Variants in VPS33B observed in about 807,000 individuals in gnomAD.
The protein encoded by VPS33B is VPS33B late endosome and lysosome associated.
A neutral mutation model predicts 95.3 loss-of-function variants in VPS33B; 80 were observed. That is an observed-to-expected ratio of 0.84 (90% confidence interval 0.70 to 1.01). The LOEUF (loss-of-function observed/expected upper bound fraction) is 1.01. Ranked by LOEUF, VPS33B falls within the 50% of genes least tolerant of loss-of-function variation. The pLI is 0.00. For synonymous variants in VPS33B, 280 were observed against 280.4 expected (o/e 1.00, Z 0.01); for missense variants, 715 against 773.4 (o/e 0.92, Z 0.90).
At chr15:91,012,074 A>G (rs888423042) in intron 5 of VPS33B, among the ~76,000 whole-genome samples, 3 of 149,290 alleles carry the variant, frequency 2.0e-5, no homozygotes, top group Non-Finnish European at 1.5e-5. Context: ...GAAAAGAAAA[A>G]AAAAAAAAAG....
chr15:91,012,629 C>A (rs936926336), intron 5 of VPS33B, among the ~76,000 whole-genome samples: 3 of 152,188 alleles, frequency 2.0e-5, no homozygotes, highest in African/African-American at 7.2e-5. Context: ...CTAGCTTCTA[C>A]CTTCTGTAAG....
At position 90,999,869 on chromosome 15, in the gene VPS33B, G is replaced by A. The variant is rs1382063783; in HGVS notation, c.1657+31C>T. ...TGGTGCATCCAGCCCACCTCTCACT[G>A]CCAGCCTACCCCACTGTTAATGCCA... On this transcript the variant is annotated intron_variant, in intron 21 of 22. Transcript: ENST00000333371. This position sits in a 1 kb window ranked among gnomAD's most constrained non-coding sequence, Gnocchi z 5.1. The A allele has an allele frequency of 6.2e-7, 1 of 1,614,078 alleles. No individual in the cohort carries two copies. The highest frequency in any genetic ancestry group is 8.5e-7 in the Non-Finnish European group (1 of 1,179,966).
At position 91,001,385 on chromosome 15, in the gene VPS33B, A is replaced by G. The variant is rs1011045843; in HGVS notation, c.1479+4T>C. 2 of 1,613,138 alleles carry G rather than the reference A, an allele frequency of 1.2e-6. No individual in the cohort carries two copies. Among genetic ancestry groups the G allele is most frequent in the Non-Finnish European group, 1.7e-6 (2 of 1,179,256 alleles). On this transcript the variant is annotated splice_donor_region_variant and intron_variant, in intron 19 of 22. Coordinates refer to ENST00000333371, the MANE Select transcript of VPS33B (RefSeq NM_018668.5). ...TCTCCCCTAACCATCCCTGTTCCACATACCAAATTCAGCTTTTTGCTGATG... is the reference window on the plus strand; with the variant it reads ...TCTCCCCTAACCATCCCTGTTCCACGTACCAAATTCAGCTTTTTGCTGATG...
At chr15:91,019,419 C>A (rs920558583) in intron 1 of VPS33B, among the ~76,000 whole-genome samples, 3 of 151,970 alleles carry the variant, frequency 2.0e-5, no homozygotes, top group Non-Finnish European at 4.4e-5. Flanking sequence ...CCACGTTTGG[C>A]CTTTTTAAAT....
Position 91,000,604 on chromosome 15 carries a change from G to C in VPS33B, c.1480-13C>G. The C allele has an allele frequency of 6.2e-7, 1 of 1,610,440 alleles. No individual in the cohort carries two copies. The highest frequency in any genetic ancestry group is 8.5e-7 in the Non-Finnish European group (1 of 1,177,768). ...CCACACGTGGGATCTGTAAGACAAA[G>C]GGACTTCATTAGGCAAGTGACAGCT... On this transcript the variant is annotated splice_polypyrimidine_tract_variant and intron_variant, in intron 19 of 22. Coordinates refer to ENST00000333371, the MANE Select transcript of VPS33B (RefSeq NM_018668.5). The surrounding 1 kb of genome is among the most constrained non-coding windows in gnomAD (Gnocchi z 4.9).
rs2040781513 is a variant in VPS33B, at chr15:91,011,621, CTATTT to C, written c.358-1780_358-1776del. Among the ~76,000 whole-genome samples, 1 of 152,212 alleles carries C rather than the reference CTATTT, an allele frequency of 6.6e-6. No individual in the cohort carries two copies. The highest frequency in any genetic ancestry group is 2.1e-4 in the South Asian group (1 of 4,834). ...AAGTGGAGAACACTCATAAAAATAACTATTTTGTTTTTCTGTGTAATAGAGAGGCT... is the reference window on the plus strand; with the variant it reads ...AAGTGGAGAACACTCATAAAAATAACTGTTTTTCTGTGTAATAGAGAGGCT... On this transcript the variant is annotated intron_variant, in intron 5 of 22. Coordinates refer to ENST00000333371, the MANE Select transcript of VPS33B (RefSeq NM_018668.5). This position sits in a 1 kb window ranked among gnomAD's most constrained non-coding sequence, Gnocchi z 5.5.
At position 90,998,935 on chromosome 15, in the gene VPS33B, A is replaced by G; in HGVS notation, c.*40T>C. On this transcript the variant is annotated 3_prime_UTR_variant, in exon 23 of 23. Coordinates refer to ENST00000333371, the MANE Select transcript of VPS33B (RefSeq NM_018668.5). This position sits in a 1 kb window ranked among gnomAD's most constrained non-coding sequence, Gnocchi z 4.8. ...CCAGATGCCTGCATCTCACTGAGGAATGTGTTCAGGGAAGATGTCAACACT... is the reference window on the plus strand; with the variant it reads ...CCAGATGCCTGCATCTCACTGAGGAGTGTGTTCAGGGAAGATGTCAACACT... 1 of 1,608,016 alleles carries G rather than the reference A, an allele frequency of 6.2e-7. No homozygotes were observed. The highest frequency in any genetic ancestry group is 8.5e-7 in the Non-Finnish European group (1 of 1,175,748).
At position 91,011,455 on chromosome 15, in the gene VPS33B, A is replaced by G. The variant is rs1397357712; in HGVS notation, c.358-1609T>C. 6.6e-6 allele frequency among the ~76,000 whole-genome samples: 1 copy of G among 152,194 alleles called. No homozygotes were observed. Among genetic ancestry groups the G allele is most frequent in the East Asian group, 1.9e-4 (1 of 5,200 alleles). On this transcript the variant is annotated intron_variant, in intron 5 of 22. Transcript: ENST00000333371. The surrounding 1 kb of genome is among the most constrained non-coding windows in gnomAD (Gnocchi z 5.5). ...ACTGAAATCTTCAGGCCTGCTTTTA[A>G]CTTTTAATGCTAAGTAATGGAATTC...
Position 91,007,141 on chromosome 15 carries a change from T to C in VPS33B, c.604-95A>G. 7.4e-7 allele frequency: 1 copy of C among 1,343,928 alleles called. No homozygotes were observed. The highest frequency in any genetic ancestry group is 1.1e-6 in the Non-Finnish European group (1 of 948,696). 83.3% of individuals were successfully genotyped at this position (1,343,928 alleles called of 1,614,324 possible). A position where few individuals can be genotyped will look rare whatever the true frequency, so the allele number is the denominator to read the frequency against. ...AGCCCTTTCCACGTGATACTTCCTC[T>C]TGTCCCCGAGACAGGAGCTAATTAT... is the stretch of plus-strand genomic sequence containing the variant. On this transcript the variant is annotated intron_variant, in intron 8 of 22. Coordinates refer to ENST00000333371, the MANE Select transcript of VPS33B (RefSeq NM_018668.5). The surrounding 1 kb of genome is among the most constrained non-coding windows in gnomAD (Gnocchi z 5.3).
intron 5 of VPS33B, among the ~76,000 whole-genome samples, chr15:91,012,322 A>G (rs1051479776): frequency 6.6e-6 from 1 of 152,236 alleles, no homozygotes; most frequent in African/African-American, 2.4e-5. Flanking sequence ...CTTTTACAGA[A>G]GGAGAAAACA....
chr15:91,020,681 G>A (rs1428196771), intron 1 of VPS33B, among the ~76,000 whole-genome samples: 3 of 152,122 alleles, frequency 2.0e-5, no homozygotes, highest in Admixed American at 1.3e-4. Context: ...AGGAGTTTGA[G>A]ACCAGCCTGG....
In VPS33B at chr15:91,007,694, C is replaced by T. The variant is rs2040655865; in HGVS notation, c.499-121G>A. The T allele has an allele frequency of 1.6e-6, 2 of 1,240,790 alleles. No homozygotes were observed. The highest frequency in any genetic ancestry group is 3.0e-5 in the African/African-American group (2 of 67,570). The allele number at this position is 1,240,790 out of a possible 1,614,324, so 76.9% of individuals were successfully genotyped here. ...GCCTGGGGGATGCTTGAAAGGTTTT[C>T]ATTGGCTCCACAGGAAGTCCCACAG... On this transcript the variant is annotated intron_variant, in intron 7 of 22. Transcript: ENST00000333371. This position sits in a 1 kb window ranked among gnomAD's most constrained non-coding sequence, Gnocchi z 5.3.
Position 91,005,518 on chromosome 15 carries a change from G to A in VPS33B, c.1031-64C>T, listed in dbSNP as rs192721747. ...CTAGAAAGATGTCCCTTTATTGTCC[G>A]GAAGAATAAAAAACCTCCTAAGGCA... is the stretch of plus-strand genomic sequence containing the variant. On this transcript the variant is annotated intron_variant, in intron 13 of 22. Transcript: ENST00000333371. The surrounding 1 kb of genome is among the most constrained non-coding windows in gnomAD (Gnocchi z 6.4). 66 of 1,610,176 alleles carry A rather than the reference G, an allele frequency of 4.1e-5. No individual in the cohort carries two copies. Among genetic ancestry groups the A allele is most frequent in the African/African-American group, 1.1e-4 (8 of 74,902 alleles).
rs1285034196 is a variant in VPS33B, at chr15:91,015,825, G to A, written c.239+1138C>T. ...AGCCTGTGCAACAGAGTGAGACCCT[G>A]TCTCTGAAAATAAATAAATTTAATT... On this transcript the variant is annotated intron_variant, in intron 3 of 22. Transcript: ENST00000333371. This position sits in a 1 kb window ranked among gnomAD's most constrained non-coding sequence, Gnocchi z 4.7. Among the ~76,000 whole-genome samples the A allele has an allele frequency of 6.6e-6, 1 of 151,972 alleles. No individual in the cohort carries two copies. Among genetic ancestry groups the A allele is most frequent in the Non-Finnish European group, 1.5e-5 (1 of 68,016 alleles).
In VPS33B at chr15:91,010,424, C is replaced by A. The variant is rs991775483; in HGVS notation, c.358-578G>T. On this transcript the variant is annotated intron_variant, in intron 5 of 22. Transcript: ENST00000333371. This position sits in a 1 kb window ranked among gnomAD's most constrained non-coding sequence, Gnocchi z 5.7. ...TAGACCAGTCTGGGCAACATAGTGA[C>A]ACCCCATCTCTACAAAACAATGCAA... is the stretch of plus-strand genomic sequence containing the variant. Among the ~76,000 whole-genome samples the A allele has an allele frequency of 6.6e-6, 1 of 152,080 alleles. No homozygotes were observed. Among genetic ancestry groups the A allele is most frequent in the African/African-American group, 2.4e-5 (1 of 41,382 alleles).
rs1450789295 is a variant in VPS33B, at chr15:90,999,933, G to A, written c.1624C>T (p.Arg542Trp). 7 of 1,614,014 alleles carry A rather than the reference G, an allele frequency of 4.3e-6. No individual in the cohort carries two copies. Among genetic ancestry groups the A allele is most frequent in the East Asian group, 2.2e-5 (1 of 44,902 alleles). Reference protein sequence around the residue: ...RSWQGLDEVVRLLNCSDFAFT... With the variant: ...RSWQGLDEVVWLLNCSDFAFT... ...GCAAAGTCACTGCAGTTGAGCAGCC[G>A]TACCACCTCATCAAGGCCCTGCCAG... The change falls in exon 21 of 23, where the codon CGG (arginine) becomes TGG (tryptophan). Residue 542 changes from arginine to tryptophan, a missense_variant. Transcript: ENST00000333371. This position sits in a 1 kb window ranked among gnomAD's most constrained non-coding sequence, Gnocchi z 5.1.
At position 90,998,676 on chromosome 15, in the gene VPS33B, C is replaced by T; in HGVS notation, c.*299G>A. The stretch of plus-strand genomic sequence containing the variant: ...CGTGTCCAGAACGACCAACGTATTA[C>T]ATCTGAGAGCAGAGGCTTTATTTAC... On this transcript the variant is annotated 3_prime_UTR_variant, in exon 23 of 23. Coordinates refer to ENST00000333371, the MANE Select transcript of VPS33B (RefSeq NM_018668.5). This position sits in a 1 kb window ranked among gnomAD's most constrained non-coding sequence, Gnocchi z 4.8. 4.4e-6 allele frequency: 2 copies of T among 457,740 alleles called. No individual in the cohort carries two copies. The highest frequency in any genetic ancestry group is 8.1e-6 in the Non-Finnish European group (2 of 247,202). The allele number at this position is 457,740 out of a possible 1,614,324, so 28.4% of individuals were successfully genotyped here. A position where few individuals can be genotyped will look rare whatever the true frequency, so the allele number is the denominator to read the frequency against.
Position 90,999,022 on chromosome 15 carries a change from T to G in VPS33B, c.1807A>C (p.Thr603Pro). The change falls in exon 23 of 23, where the codon ACA (threonine) becomes CCA (proline). Residue 603 changes from threonine (T) to proline (P), a missense_variant. Coordinates refer to ENST00000333371, the MANE Select transcript of VPS33B (RefSeq NM_018668.5). The surrounding 1 kb of genome is among the most constrained non-coding windows in gnomAD (Gnocchi z 5.1). Reference protein sequence around the residue: ...YRFIFLTTAVTNSARLMEAMS... With the variant: ...YRFIFLTTAVPNSARLMEAMS... Reference sequence around the variant, plus strand: ...GCCTCCATAAGGCGAGCGCTGTTTGTGACTGCTGTCGTCAGGAAAATGAAC... The same window carrying G: ...GCCTCCATAAGGCGAGCGCTGTTTGGGACTGCTGTCGTCAGGAAAATGAAC... 6.2e-7 allele frequency: 1 copy of G among 1,614,208 alleles called. No individual in the cohort carries two copies.
At position 91,002,647 on chromosome 15, in the gene VPS33B, A is replaced by AG. The variant is rs2040474502; in HGVS notation, c.1272+437_1272+438insC. On this transcript the variant is annotated intron_variant, in intron 17 of 22. Transcript: ENST00000333371. This position sits in a 1 kb window ranked among gnomAD's most constrained non-coding sequence, Gnocchi z 4.7. ...ATCGTCTCGAAATAAAAAAAAAAAAAAAAAGAAAAGAAATAATTAGCACCA... is the reference window on the plus strand; with the variant it reads ...ATCGTCTCGAAATAAAAAAAAAAAAAGAAAAGAAAAGAAATAATTAGCACCA... 6.6e-6 allele frequency among the ~76,000 whole-genome samples: 1 copy of AG among 151,644 alleles called. No individual in the cohort carries two copies.
Sources: allele counts gnomAD v4.1 joint callset (sites outside exome capture counted in the v4.1 genomes callset), GRCh38; gene constraint gnomAD v4.1.1; non-coding constraint Gnocchi (gnomAD v3.1); transcripts MANE v1.5; gene names NCBI Gene and HGNC (gene_info 2026-07-23, HGNC 2026-07-21).